Variants in CCDC7 observed in about 807,000 individuals in gnomAD.
CCDC7 encodes the protein coiled-coil domain-containing protein 7.
In CCDC7, 183 loss-of-function variants were observed where a neutral mutation model predicts 196.9. The ratio of observed to expected loss-of-function variants is 0.93; its 90% CI spans 0.82 to 1.05. The LOEUF (loss-of-function observed/expected upper bound fraction) is 1.05. CCDC7 is among the 50% of genes least tolerant of loss of function. The probability of loss-of-function intolerance (pLI) is 0.00; values close to 1 mark genes in which losing one functional copy is unlikely to be tolerated. For synonymous variants in CCDC7, 525 were observed against 484.6 expected, an observed-to-expected ratio of 1.08 and a Z score of -1.10; for missense variants, 1,540 against 1,482.2, an observed-to-expected ratio of 1.04 and a Z score of -0.64.
intron 21 of CCDC7, among the ~76,000 whole-genome samples, chr10:32,679,594 G>A (rs1290454010): frequency 6.6e-6 from 1 of 152,162 alleles, no homozygotes; most frequent in Admixed American, 6.6e-5. Flanking sequence ...ATTATCACAT[G>A]GAATAAGACA....
At chr10:32,755,379 C>A (rs1378187069) in intron 28 of CCDC7, among the ~76,000 whole-genome samples, 1 of 152,160 alleles carries the variant, frequency 6.6e-6, no homozygotes, top group African/African-American at 2.4e-5. Context: ...TAGGGGCCGA[C>A]TGACACCTCA....
intron 8 of CCDC7, among the ~76,000 whole-genome samples, chr10:32,479,653 G>T (rs181634561): frequency 1.5e-3 from 226 of 152,214 alleles, no homozygotes; most frequent in Middle Eastern, 0.014. Flanking sequence ...CAGAGATATT[G>T]GACTGTGTTT....
intron 11 of CCDC7, among the ~76,000 whole-genome samples, chr10:32,539,850 A>G (rs920735468): frequency 1.3e-5 from 2 of 151,738 alleles, no homozygotes; most frequent in African/African-American, 4.8e-5. Flanking sequence ...CTTGGTTTCT[A>G]TTTTTATTTT....
At chr10:32,604,421 C>T (rs555581577) in intron 18 of CCDC7, among the ~76,000 whole-genome samples, 16 of 152,030 alleles carry the variant, frequency 1.1e-4, no homozygotes, top group Non-Finnish European at 2.1e-4. Flanking sequence ...TATTTGGGTT[C>T]TTTTGTGGTT....
Position 32,797,132 on chromosome 10 carries a change from T to C in CCDC7, c.3014-7883T>C, listed in dbSNP as rs551797640. 7.0e-4 allele frequency among the ~76,000 whole-genome samples: 106 copies of C among 151,868 alleles called. 2 individuals carry two copies. The highest frequency in any genetic ancestry group is 6.7e-3 in the Admixed American group (102 of 15,236). ...TGGAACCAACCTAAATGCCCATCAA[T>C]CAACGAGTGGATAAACTGTGGTATG... On this transcript the variant is annotated intron_variant, in intron 29 of 41. Transcript: ENST00000639629.
Position 32,471,112 on chromosome 10 carries a change from AAAAC to A in CCDC7, c.561_564del (p.Thr188SerfsTer3), listed in dbSNP as rs1386817222. On this transcript the variant is annotated frameshift_variant, in exon 6 of 42. Coordinates refer to ENST00000639629, the Ensembl canonical transcript of CCDC7. LOFTEE classifies it high-confidence loss of function. The stretch of plus-strand genomic sequence containing the variant: ...ACAAGCAGAGCCTCCAAAACCTGAC[AAAAC>A]AGTCATTTTAAATATTGCAGAAATA... 1 of 1,612,054 alleles carries A rather than the reference AAAAC, an allele frequency of 6.2e-7. No individual in the cohort carries two copies. Among genetic ancestry groups the A allele is most frequent in the African/African-American group, 1.3e-5 (1 of 74,852 alleles).
intron 24 of CCDC7, among the ~76,000 whole-genome samples, chr10:32,708,145 T>C (rs977206550): frequency 2.0e-5 from 3 of 151,868 alleles, no homozygotes; most frequent in Non-Finnish European, 2.9e-5. Context: ...TGGAAAAGAA[T>C]AGAGCCCTCA....
At chr10:32,537,810 C>A (rs1258654761) in intron 11 of CCDC7, among the ~76,000 whole-genome samples, 2 of 151,902 alleles carry the variant, frequency 1.3e-5, no homozygotes, top group Non-Finnish European at 2.9e-5. Flanking sequence ...TTTAGGTGTG[C>A]AGCCTTATTT....
chr10:32,681,150 C>A (rs896571730), intron 21 of CCDC7, among the ~76,000 whole-genome samples: 3 of 152,062 alleles, frequency 2.0e-5, no homozygotes, highest in Admixed American at 2.0e-4. Context: ...TACTTTTTTT[C>A]ATCACTCTCT....
intron 21 of CCDC7, among the ~76,000 whole-genome samples, chr10:32,673,654 CGTGT>C (rs71027102): frequency 0.081 from 11,936 of 147,908 alleles, 736 homozygotes; most frequent in South Asian, 0.21. Flanking sequence ...CCATTGTGCA[CGTGT>C]GTGTGTGTGT....
intron 30 of CCDC7, among the ~76,000 whole-genome samples, chr10:32,813,448 T>C (rs1439902095): frequency 6.6e-6 from 1 of 152,162 alleles, no homozygotes; most frequent in Non-Finnish European, 1.5e-5. Context: ...GCAGTTTTTC[T>C]CAGTTTTACA....
At chr10:32,780,157 A>G (rs1176763620) in intron 29 of CCDC7, among the ~76,000 whole-genome samples, 1 of 152,184 alleles carries the variant, frequency 6.6e-6, no homozygotes, top group Admixed American at 6.5e-5. Flanking sequence ...GAATCACTGA[A>G]ACCGAAGATG....
At chr10:32,593,748 G>A (rs1370405580) in intron 18 of CCDC7, among the ~76,000 whole-genome samples, 1 of 152,172 alleles carries the variant, frequency 6.6e-6, no homozygotes, top group Non-Finnish European at 1.5e-5. Flanking sequence ...AAGGGATCCA[G>A]TTTCAGCTTT....
At chr10:32,542,054 C>T (rs1397558809) in intron 11 of CCDC7, among the ~76,000 whole-genome samples, 2 of 152,080 alleles carry the variant, frequency 1.3e-5, no homozygotes, top group Non-Finnish European at 2.9e-5. Flanking sequence ...GTTCACTAGC[C>T]CCTTTTGTTT....
intron 20 of CCDC7, among the ~76,000 whole-genome samples, chr10:32,648,021 G>C (rs2068078402): frequency 6.6e-6 from 1 of 152,154 alleles, no homozygotes; most frequent in African/African-American, 2.4e-5. Flanking sequence ...GATAGATATG[G>C]GTTCAACTTC....
chr10:32,617,457 T>C (rs893251187), intron 18 of CCDC7, among the ~76,000 whole-genome samples: 5 of 151,860 alleles, frequency 3.3e-5, no homozygotes, highest in Non-Finnish European at 7.4e-5. Context: ...CCGCTTTTGC[T>C]GTATCTAACA....
At chr10:32,487,940 A>C (rs888618993) in intron 8 of CCDC7, among the ~76,000 whole-genome samples, 1 of 152,174 alleles carries the variant, frequency 6.6e-6, no homozygotes, top group Non-Finnish European at 1.5e-5. Context: ...TCAGGGACCC[A>C]CTTGAGGAGG....
chr10:32,827,172 T>G lies in CCDC7; in HGVS notation c.3268+2568T>G, dbSNP rs141562934. On this transcript the variant is annotated intron_variant, in intron 32 of 41. Coordinates refer to ENST00000639629, the Ensembl canonical transcript of CCDC7. ...CGCCTGTCATTGCCCAATGGGCCCA[T>G]GAACAAAGTGGCCATGGTGGCAGGG... Among the ~76,000 whole-genome samples the G allele has an allele frequency of 3.6e-3, 554 of 152,330 alleles. 5 individuals carry two copies. Among genetic ancestry groups the G allele is most frequent in the African/African-American group, 0.013 (525 of 41,584 alleles).
rs535559396 is a variant in CCDC7 at position 32,516,469 on chromosome 10, G to A, written c.873-1476G>A. Among the ~76,000 whole-genome samples the A allele has an allele frequency of 5.3e-5, 8 of 152,170 alleles. No individual in the cohort carries two copies. The South Asian group carries it at 1.5e-3, about 28-fold the overall frequency. On this transcript the variant is annotated intron_variant, in intron 9 of 41. Transcript: ENST00000639629. The stretch of plus-strand genomic sequence containing the variant: ...CACCCGGCTAATTTTTGTATTTTTC[G>A]TAGAGATGGGGTTTCACCATGTTGG...
Sources: gnomAD v4.1 joint callset for allele counts (sites outside exome capture counted in the v4.1 genomes callset) on GRCh38, gnomAD v4.1.1 for gene constraint, MANE v1.5 for transcripts, NCBI Gene and HGNC (gene_info 2026-07-23, HGNC 2026-07-21) for gene names.